Variants in TSPAN14 observed in about 807,000 individuals in gnomAD.
TSPAN14 encodes tetraspanin-14.
TSPAN14 carries 16 observed loss-of-function variants against 36.6 expected under a neutral mutation model. The ratio of observed to expected loss-of-function variants is 0.44; its 90% CI spans 0.30 to 0.66. The LOEUF (loss-of-function observed/expected upper bound fraction) is 0.66, where lower values mean the gene tolerates loss of function less well. Ranked by LOEUF, TSPAN14 falls within the 30% of genes least tolerant of loss-of-function variation. TSPAN14 has a pLI of 0.12. For synonymous variants in TSPAN14, 139 were observed against 143.8 expected (o/e 0.97, Z 0.24); for missense variants, 231 against 355.1 (o/e 0.65, Z 2.81).
intron 3 of TSPAN14, 81 bp from the exon 4 acceptor site, chr10:80,507,147 A>G: frequency 1.3e-6 from 2 of 1,553,792 alleles, no homozygotes; most frequent in South Asian, 2.3e-5. Context: ...CCCTGTTTTC[A>G]GTACCACCTG....
At chr10:80,474,978 C>T (rs1846776359) in intron 1 of TSPAN14, among the ~76,000 whole-genome samples, 1 of 152,192 alleles carries the variant, frequency 6.6e-6, no homozygotes, top group South Asian at 2.1e-4. Context: ...TTCCAGCAAG[C>T]TCCTGAAATG....
chr10:80,464,731 G>A (rs535752350), intron 1 of TSPAN14, among the ~76,000 whole-genome samples: 16 of 152,174 alleles, frequency 1.1e-4, no homozygotes, highest in Non-Finnish European at 1.9e-4. Flanking sequence ...TAGCACAGAG[G>A]TTTCTATTGT....
chr10:80,498,259 G>A (rs1316475887), intron 2 of TSPAN14, among the ~76,000 whole-genome samples: 1 of 152,154 alleles, frequency 6.6e-6, no homozygotes, highest in Admixed American at 6.5e-5. Flanking sequence ...AGGACCCTGG[G>A]GTTTCCGTCT....
chr10:80,494,501 T>C (rs1848088093), intron 2 of TSPAN14, among the ~76,000 whole-genome samples: 1 of 152,198 alleles, frequency 6.6e-6, no homozygotes, highest in African/African-American at 2.4e-5. Context: ...AAAGATCAAC[T>C]CTCTTCCCTT....
At chr10:80,500,811 G>T (rs1305019744) in intron 2 of TSPAN14, among the ~76,000 whole-genome samples, 1 of 152,240 alleles carries the variant, frequency 6.6e-6, no homozygotes, top group African/African-American at 2.4e-5. Flanking sequence ...AGAGCGGTAA[G>T]CGGCCCTACA....
chr10:80,503,808 G>A (rs958669129), intron 2 of TSPAN14, among the ~76,000 whole-genome samples: 1 of 152,128 alleles, frequency 6.6e-6, no homozygotes, highest in South Asian at 2.1e-4. Flanking sequence ...ATAGAGAAGC[G>A]TGGTCCTGTT....
At chr10:80,495,382 T>C (rs1848149358) in intron 2 of TSPAN14, among the ~76,000 whole-genome samples, 1 of 142,724 alleles carries the variant, frequency 7.0e-6, no homozygotes, top group East Asian at 2.1e-4. Flanking sequence ...TGTGTGTATG[T>C]ACATGTGTGT....
chr10:80,474,794 T>G (rs1434879204), intron 1 of TSPAN14, among the ~76,000 whole-genome samples: 3 of 152,072 alleles, frequency 2.0e-5, no homozygotes, highest in African/African-American at 7.2e-5. Flanking sequence ...AGTTCACTTT[T>G]CTCCACTGTC....
Position 80,477,578 on chromosome 10 carries a change from GA to G in TSPAN14, c.-17-11638del, listed in dbSNP as rs779094867. 1.7e-3 allele frequency among the ~76,000 whole-genome samples: 262 copies of G among 152,310 alleles called. 4 individuals are homozygous for G. The highest frequency in any genetic ancestry group is 3.5e-3 in the Admixed American group (54 of 15,308). On this transcript the variant is annotated intron_variant, in intron 1 of 8. Coordinates refer to ENST00000429989, the Ensembl canonical transcript of TSPAN14. ...TAAAATGTAGGAGTGGATGGCATGA[GA>G]TTTTTTTGTGGGGGGAGGGGAACGT... is the stretch of plus-strand genomic sequence containing the variant.
chr10:80,499,461 G>A lies in TSPAN14; in HGVS notation c.82-5267G>A, dbSNP rs117360733. Among the ~76,000 whole-genome samples the A allele has an allele frequency of 5.1e-4, 78 of 152,324 alleles. 1 individual carries two copies. The East Asian group carries it at 0.014, about 26-fold the overall frequency. ...GTGGTCTCACTGCCTGACAGTGTGG[G>A]TCATTTGGCTGTAGAGCTGCACAAC... On this transcript the variant is annotated intron_variant, in intron 2 of 8. Coordinates refer to ENST00000429989, the Ensembl canonical transcript of TSPAN14.
chr10:80,520,612 T>C (rs753075723), exon 9 of TSPAN14: 1 of 533,434 alleles, frequency 1.9e-6, no homozygotes, highest in Non-Finnish European at 3.8e-6. Flanking sequence ...CTCAGGATCT[T>C]GTCAACGTTA....
At chr10:80,492,858 A>G (rs1462783669) in intron 2 of TSPAN14, among the ~76,000 whole-genome samples, 2 of 152,164 alleles carry the variant, frequency 1.3e-5, no homozygotes, top group Non-Finnish European at 2.9e-5. Context: ...TTCTTTATAG[A>G]TAAATACCGT....
intron 1 of TSPAN14, among the ~76,000 whole-genome samples, chr10:80,472,864 G>A (rs1846635000): frequency 6.6e-6 from 1 of 152,186 alleles, no homozygotes; most frequent in Admixed American, 6.5e-5. Flanking sequence ...TGCTGTGAAT[G>A]ACAGCTCTTC....
chr10:80,466,479 C>A (rs1179793682), intron 1 of TSPAN14: 1 of 152,158 alleles, frequency 6.6e-6, no homozygotes, highest in East Asian at 1.9e-4. Context: ...TGGTCTCGAA[C>A]TCATCTTCTG....
At chr10:80,489,582 C>T (rs907008880) in intron 2 of TSPAN14, among the ~76,000 whole-genome samples, 20 of 152,254 alleles carry the variant, frequency 1.3e-4, no homozygotes, top group Admixed American at 1.3e-4. Context: ...GCCTGTCTGT[C>T]TCCCCTACCT....
chr10:80,509,303 C>T lies in TSPAN14; in HGVS notation c.282C>T (p.Phe94=). The change falls in exon 5 of 9, where the codon TTC becomes TTT. Residue 94 remains phenylalanine (F), a splice_region_variant and synonymous_variant. Coordinates refer to ENST00000429989, the Ensembl canonical transcript of TSPAN14. The surrounding 1 kb of genome is among the most constrained non-coding windows in gnomAD (Gnocchi z 4.7). ...GCTCCCGTCCCCTTCCCCTGCAGTT[C>T]TGTGGCACCATCGTGCTCATCTTCT... The T allele has an allele frequency of 6.2e-7, 1 of 1,613,404 alleles. No individual in the cohort carries two copies. The highest frequency in any genetic ancestry group is 8.5e-7 in the Non-Finnish European group (1 of 1,179,774).
intron 2 of TSPAN14, among the ~76,000 whole-genome samples, chr10:80,499,781 G>A (rs1220748640): frequency 1.3e-5 from 2 of 152,226 alleles, no homozygotes; most frequent in Non-Finnish European, 2.9e-5. Context: ...TCCCAGGAAA[G>A]GGCAGCTATT....
At chr10:80,489,959 G>A (rs1264915868) in intron 2 of TSPAN14, among the ~76,000 whole-genome samples, 1 of 152,202 alleles carries the variant, frequency 6.6e-6, no homozygotes, top group Non-Finnish European at 1.5e-5. Flanking sequence ...CTTTGTGTGT[G>A]CAAAGGACAA....
chr10:80,517,844 T>A (rs1021618753), intron 8 of TSPAN14, 61 bp from the exon 9 acceptor site: 2 of 1,512,232 alleles, frequency 1.3e-6, no homozygotes, highest in African/African-American at 1.4e-5. Context: ...CACCCTCCGC[T>A]CCCTGCCCTC....
Sources: gnomAD v4.1 joint callset for allele counts (sites outside exome capture counted in the v4.1 genomes callset) on GRCh38, gnomAD v4.1.1 for gene constraint, Gnocchi (gnomAD v3.1) non-coding constraint, MANE v1.5 for transcripts, NCBI Gene and HGNC (gene_info 2026-07-23, HGNC 2026-07-21) for gene names.